The following CCSER2 variants were observed in gnomAD, a reference collection of about 807,000 sequenced individuals.
CCSER2 encodes the protein serine-rich coiled-coil domain-containing protein 2.
CCSER2 carries 46 observed loss-of-function variants against 92.3 expected under a neutral mutation model. The observed-to-expected ratio is 0.50, with a 90% CI of 0.39 to 0.64. The LOEUF is 0.64. Ranked by LOEUF, CCSER2 falls within the 30% of genes least tolerant of loss-of-function variation. The pLI is 0.00. For missense variants in CCSER2, 1,244 were observed against 1,238.9 expected (o/e 1.00, Z -0.06); for synonymous variants, 433 against 431.4 (o/e 1.00, Z -0.04).
At chr10:84,381,519 A>G (rs1019617848) in intron 3 of CCSER2, among the ~76,000 whole-genome samples, 1 of 152,168 alleles carries the variant, frequency 6.6e-6, no homozygotes, top group Non-Finnish European at 1.5e-5. Flanking sequence ...AGATAATGTG[A>G]TTTATGCTGA....
At position 84,514,010 on chromosome 10, in the gene CCSER2, C is replaced by T; in HGVS notation, c.2887C>T (p.Pro963Ser). 3 of 1,536,602 alleles carry T rather than the reference C, an allele frequency of 2.0e-6. No homozygotes were observed. The Admixed American group carries it at 5.9e-5, about 30-fold the overall frequency. The change falls in exon 10 of 10, where the codon CCA (proline) becomes TCA (serine). Residue 963 changes from proline to serine, a missense_variant. Physicochemically the swap from Pro to Ser is moderately conservative, Grantham distance 74. Coordinates refer to ENST00000372088, the MANE Select transcript of CCSER2 (RefSeq NM_001284240.2). ...AACATGTAATTCAGCAAAACTTCAG[C>T]CAACATCTAGTCAAACAAATCTTGC... Reference protein sequence around the residue: ...ITTCNSAKLQPTSSQTNLANN... With the variant: ...ITTCNSAKLQSTSSQTNLANN...
At chr10:84,448,010 T>G (rs1845034327) in intron 6 of CCSER2, among the ~76,000 whole-genome samples, 1 of 152,102 alleles carries the variant, frequency 6.6e-6, no homozygotes, top group African/African-American at 2.4e-5. Context: ...CTGCTCCCAC[T>G]CTTCCGTGTA....
At chr10:84,387,107 A>G (rs1428226916) in intron 3 of CCSER2, among the ~76,000 whole-genome samples, 1 of 152,206 alleles carries the variant, frequency 6.6e-6, no homozygotes, top group Admixed American at 6.5e-5. Flanking sequence ...ATCCATGTTC[A>G]GGGCCTTTTT....
intron 3 of CCSER2, among the ~76,000 whole-genome samples, chr10:84,390,684 T>C (rs1353537928): frequency 6.6e-6 from 1 of 152,236 alleles, no homozygotes; most frequent in Non-Finnish European, 1.5e-5. Flanking sequence ...CGACTGTTCT[T>C]ATTTGATTAA....
At chr10:84,350,026 A>G (rs1333708434) in intron 1 of CCSER2, among the ~76,000 whole-genome samples, 1 of 151,856 alleles carries the variant, frequency 6.6e-6, no homozygotes, top group Non-Finnish European at 1.5e-5. Flanking sequence ...TGGTGGTGGC[A>G]CCTGTAATCC....
At chr10:84,446,727 C>T (rs1844941176) in intron 6 of CCSER2, among the ~76,000 whole-genome samples, 2 of 152,136 alleles carry the variant, frequency 1.3e-5, no homozygotes, top group African/African-American at 4.8e-5. Flanking sequence ...CCTGTATGCT[C>T]CTTCCTGATT....
chr10:84,387,093 CTG>C (rs1841255873), intron 3 of CCSER2, among the ~76,000 whole-genome samples: 1 of 152,150 alleles, frequency 6.6e-6, no homozygotes. Flanking sequence ...AAAAAAAAAT[CTG>C]TATCCATGTT....
At chr10:84,421,702 G>A (rs1261921424) in intron 4 of CCSER2, among the ~76,000 whole-genome samples, 1 of 151,964 alleles carries the variant, frequency 6.6e-6, no homozygotes, top group South Asian at 2.1e-4. Context: ...CCATCTTAAG[G>A]GTCATGACTG....
At chr10:84,488,402 T>G (rs1389188007) in intron 9 of CCSER2, among the ~76,000 whole-genome samples, 1 of 152,198 alleles carries the variant, frequency 6.6e-6, no homozygotes, top group African/African-American at 2.4e-5. Flanking sequence ...CTCTTAATTA[T>G]TGCCTCAATT....
At chr10:84,464,482 CTT>C (rs1328734416) in intron 7 of CCSER2, among the ~76,000 whole-genome samples, 1 of 151,854 alleles carries the variant, frequency 6.6e-6, no homozygotes, top group African/African-American at 2.4e-5. Context: ...GAAGAAAACT[CTT>C]TTATTTTGCA....
At chr10:84,367,382 C>CTT (rs36111629) in intron 1 of CCSER2, among the ~76,000 whole-genome samples, 32 of 145,858 alleles carry the variant, frequency 2.2e-4, no homozygotes, top group African/African-American at 5.3e-4. Flanking sequence ...CTCCTCGATA[C>CTT]TTTTTTTTTT....
chr10:84,458,972 T>C, intron 6 of CCSER2, among the ~76,000 whole-genome samples: 1 of 152,166 alleles, frequency 6.6e-6, no homozygotes, highest in Non-Finnish European at 1.5e-5. Context: ...TGACCTTGTA[T>C]CCTGTGATTT....
At chr10:84,433,079 T>C (rs957230482) in intron 5 of CCSER2, among the ~76,000 whole-genome samples, 1 of 152,220 alleles carries the variant, frequency 6.6e-6, no homozygotes, top group African/African-American at 2.4e-5. Context: ...TCGGTTCTTT[T>C]GCCAATACCA....
intron 3 of CCSER2, among the ~76,000 whole-genome samples, chr10:84,376,346 A>G (rs919039021): frequency 3.3e-5 from 5 of 152,136 alleles, no homozygotes; most frequent in African/African-American, 7.2e-5. Flanking sequence ...AAGATATAGA[A>G]TACTCCCATC....
rs571603229 is a variant in CCSER2, at chr10:84,370,683, A to G, written c.-39-331A>G. ...TTTAAAGGAGAGACTTTTACCCAAA[A>G]TGAAAAAATTATTTGGATTGGAAAT... On this transcript the variant is annotated intron_variant, in intron 1 of 9. Coordinates refer to ENST00000372088, the MANE Select transcript of CCSER2 (RefSeq NM_001284240.2). Among the ~76,000 whole-genome samples, 197 of 152,232 alleles carry G rather than the reference A, an allele frequency of 1.3e-3. 1 individual carries two copies. The highest frequency in any genetic ancestry group is 3.4e-3 in the Middle Eastern group (1 of 294).
At chr10:84,492,806 C>T (rs1281924537) in intron 9 of CCSER2, among the ~76,000 whole-genome samples, 1 of 151,994 alleles carries the variant, frequency 6.6e-6, no homozygotes, top group Non-Finnish European at 1.5e-5. Context: ...AAATAAACCC[C>T]CTTTAGTCAT....
intron 6 of CCSER2, among the ~76,000 whole-genome samples, chr10:84,445,452 C>T (rs891001067): frequency 3.9e-5 from 6 of 152,152 alleles, no homozygotes; most frequent in African/African-American, 7.2e-5. Context: ...CGCACCTGGC[C>T]GGTATCTCTT....
intron 6 of CCSER2, among the ~76,000 whole-genome samples, chr10:84,458,747 A>C (rs1845923688): frequency 6.6e-6 from 1 of 152,130 alleles, no homozygotes; most frequent in Non-Finnish European, 1.5e-5. Flanking sequence ...ACACATATAT[A>C]CATACACATA....
intron 6 of CCSER2, among the ~76,000 whole-genome samples, chr10:84,450,662 A>G (rs535885806): frequency 1.3e-5 from 2 of 152,312 alleles, no homozygotes; most frequent in African/African-American, 4.8e-5. Context: ...AAATTTACTG[A>G]GAGACATTTG....
Sources: gnomAD v4.1 joint callset for allele counts (sites outside exome capture counted in the v4.1 genomes callset) on GRCh38, gnomAD v4.1.1 for gene constraint, MANE v1.5 for transcripts, NCBI Gene and HGNC (gene_info 2026-07-23, HGNC 2026-07-21) for gene names.